Variants in MAML3 observed in about 807,000 individuals in gnomAD.
MAML3 encodes mastermind-like protein 3.
MAML3 carries 27 observed loss-of-function variants against 101.9 expected under a neutral mutation model. The ratio of observed to expected loss-of-function variants is 0.27; its 90% CI spans 0.20 to 0.37. MAML3 has a LOEUF of 0.37. Ranked by LOEUF, MAML3 falls within the 10% of genes least tolerant of loss-of-function variation. The probability of loss-of-function intolerance (pLI) is 1.00; values close to 1 mark genes in which losing one functional copy is unlikely to be tolerated. For synonymous variants in MAML3, 501 were observed against 555.9 expected, an observed-to-expected ratio of 0.90 and a Z score of 1.39; for missense variants, 1,316 against 1,444.9, an observed-to-expected ratio of 0.91 and a Z score of 1.45.
At chr4:139,814,231 A>G (rs1730856338) in intron 2 of MAML3, among the ~76,000 whole-genome samples, 1 of 152,214 alleles carries the variant, frequency 6.6e-6, no homozygotes, top group Non-Finnish European at 1.5e-5. Context: ...GAAACACGTT[A>G]TTTAGAAGTA....
At chr4:139,799,389 A>C (rs959630870) in intron 2 of MAML3, among the ~76,000 whole-genome samples, 1 of 152,254 alleles carries the variant, frequency 6.6e-6, no homozygotes, top group African/African-American at 2.4e-5. Context: ...AAAGGTAGCT[A>C]TTCTACTTTC....
chr4:140,098,721 G>T (rs35492612), intron 1 of MAML3, among the ~76,000 whole-genome samples: 26,965 of 152,290 alleles, frequency 0.18, 2,753 homozygotes, highest in Middle Eastern at 0.31. Flanking sequence ...GTGGCTACTG[G>T]TCTGCATCGG....
chr4:140,120,620 C>A (rs953100050), intron 1 of MAML3, among the ~76,000 whole-genome samples: 12 of 152,150 alleles, frequency 7.9e-5, no homozygotes, highest in Admixed American at 6.5e-5. Flanking sequence ...TATAGTTAGT[C>A]CATCAGAATT....
At chr4:140,009,314 C>A (rs1346573781) in intron 1 of MAML3, among the ~76,000 whole-genome samples, 3 of 152,152 alleles carry the variant, frequency 2.0e-5, no homozygotes, top group Non-Finnish European at 4.4e-5. Flanking sequence ...CAGGAAGTGT[C>A]TCTGTTTTTT....
rs150586892 is a variant in MAML3, at chr4:139,806,661, G to A, written c.2080-75994C>T. Reference sequence around the variant, plus strand: ...TGAAGATAGATTTAAAAGGATGTTCGTAAACAACAAAAGGTAAACAACTAA... The same window carrying A: ...TGAAGATAGATTTAAAAGGATGTTCATAAACAACAAAAGGTAAACAACTAA... On this transcript the variant is annotated intron_variant, in intron 2 of 4. Coordinates refer to ENST00000509479, the MANE Select transcript of MAML3 (RefSeq NM_018717.5). Among the ~76,000 whole-genome samples, 949 of 152,154 alleles carry A rather than the reference G, an allele frequency of 6.2e-3. 13 individuals carry two copies. The highest frequency in any genetic ancestry group is 0.021 in the African/African-American group (888 of 41,534).
At chr4:139,823,509 T>C (rs980793304) in intron 2 of MAML3, among the ~76,000 whole-genome samples, 1 of 152,162 alleles carries the variant, frequency 6.6e-6, no homozygotes, top group Admixed American at 6.5e-5. Context: ...TGTGTCTGCA[T>C]GTGCGTGTTG....
intron 1 of MAML3, among the ~76,000 whole-genome samples, chr4:140,000,590 T>C (rs998552680): frequency 5.3e-5 from 8 of 152,198 alleles, no homozygotes; most frequent in African/African-American, 1.9e-4. Flanking sequence ...ATAGGGCCAG[T>C]TACCCAAACC....
At chr4:139,870,863 G>A (rs1402325475) in intron 2 of MAML3, among the ~76,000 whole-genome samples, 1 of 152,062 alleles carries the variant, frequency 6.6e-6, no homozygotes, top group Non-Finnish European at 1.5e-5. Flanking sequence ...ACTTATACAA[G>A]CAATATACAT....
rs1388494313 is a variant in MAML3, at chr4:139,888,450, CA to C, written c.2079+906del. 1.2e-5 allele frequency: 6 copies of C among 484,092 alleles called. No homozygotes were observed. In the East Asian group the frequency reaches 3.3e-4, roughly 27 times the overall value. The allele number at this position is 484,092 out of a possible 1,614,324, so 30.0% of individuals were successfully genotyped here. On this transcript the variant is annotated intron_variant, in intron 2 of 4. Coordinates refer to ENST00000509479, the MANE Select transcript of MAML3 (RefSeq NM_018717.5). ...CTCTCTTGAATTCATCCATGTAGGGCAGGGGGAGTCGCTTTAATGGGCATTT... is the reference window on the plus strand; with the variant it reads ...CTCTCTTGAATTCATCCATGTAGGGCGGGGGAGTCGCTTTAATGGGCATTT...
At chr4:139,881,177 G>C (rs547835627) in intron 2 of MAML3, among the ~76,000 whole-genome samples, 1 of 152,078 alleles carries the variant, frequency 6.6e-6, no homozygotes, top group Admixed American at 6.5e-5. Flanking sequence ...ATTAAGAATC[G>C]GACCAGATAC....
chr4:139,915,282 GA>G (rs1156953398), intron 1 of MAML3, among the ~76,000 whole-genome samples: 1 of 152,126 alleles, frequency 6.6e-6, no homozygotes. Flanking sequence ...CACAGGAAGA[GA>G]AAAAAACCAA....
In MAML3 at chr4:139,890,629, C is replaced by T; in HGVS notation, c.807G>A (p.Leu269=). ...GTTCTTGTTTGAGGTCTTTGCTCTG[C>T]AAGATGGTGAAGCTATCCTCCAGGT... The part of the protein sequence containing the change: ...CSDLEDSFTI[L]QSKDLKQEPL... Residue 269 remains leucine, a synonymous_variant, in exon 2 of 5, where the codon TTG becomes TTA. Transcript: ENST00000509479. The surrounding 1 kb of genome is among the most constrained non-coding windows in gnomAD (Gnocchi z 4.1). 1 of 1,613,940 alleles carries T rather than the reference C, an allele frequency of 6.2e-7. No homozygotes were observed.
intron 3 of MAML3, among the ~76,000 whole-genome samples, 188 bp from the exon 4 acceptor site, chr4:139,726,023 A>G (rs1238946384): frequency 6.6e-6 from 1 of 152,250 alleles, no homozygotes; most frequent in East Asian, 1.9e-4. Context: ...CAAAACGAAC[A>G]CACTCAGGGC....
intron 1 of MAML3, among the ~76,000 whole-genome samples, chr4:139,994,425 G>C (rs939873385): frequency 6.6e-6 from 1 of 152,198 alleles, no homozygotes; most frequent in Non-Finnish European, 1.5e-5. Context: ...AGCACTTTGA[G>C]AGGCTGAAGC....
At chr4:139,845,168 G>A (rs917181322) in intron 2 of MAML3, among the ~76,000 whole-genome samples, 1 of 152,110 alleles carries the variant, frequency 6.6e-6, no homozygotes, top group Non-Finnish European at 1.5e-5. Flanking sequence ...GTATGTGTGT[G>A]GGGAATCAGA....
Position 139,799,042 on chromosome 4 carries a change from T to C in MAML3, c.2080-68375A>G, listed in dbSNP as rs1002281210. Among the ~76,000 whole-genome samples, 4 of 152,200 alleles carry C rather than the reference T, an allele frequency of 2.6e-5. No homozygotes were observed. The East Asian group carries it at 5.8e-4, about 22-fold the overall frequency. ...GGCAGTTAAAAGCAGCCTAAACTTA[T>C]GGGCAAGGTTTTCAGTTTCTATCCC... is the stretch of plus-strand genomic sequence containing the variant. On this transcript the variant is annotated intron_variant, in intron 2 of 4. Coordinates refer to ENST00000509479, the MANE Select transcript of MAML3 (RefSeq NM_018717.5).
intron 1 of MAML3, among the ~76,000 whole-genome samples, chr4:140,038,879 C>T (rs1727031754): frequency 6.6e-6 from 1 of 152,036 alleles, no homozygotes; most frequent in African/African-American, 2.4e-5. Flanking sequence ...GCTTGTAATC[C>T]CAGCACTTTG....
chr4:139,928,567 T>C (rs542246466), intron 1 of MAML3, among the ~76,000 whole-genome samples: 1 of 152,266 alleles, frequency 6.6e-6, no homozygotes, highest in African/African-American at 2.4e-5. Context: ...GATATGGATC[T>C]GTAAAGATTA....
At chr4:139,743,012 C>T (rs1435873279) in intron 2 of MAML3, among the ~76,000 whole-genome samples, 2 of 152,200 alleles carry the variant, frequency 1.3e-5, no homozygotes, top group African/African-American at 4.8e-5. Context: ...CATGATATCC[C>T]CTCAAATGCC....
Sources: gnomAD v4.1 joint callset for allele counts (sites outside exome capture counted in the v4.1 genomes callset) on GRCh38, gnomAD v4.1.1 for gene constraint, Gnocchi (gnomAD v3.1) non-coding constraint, MANE v1.5 for transcripts, NCBI Gene and HGNC (gene_info 2026-07-23, HGNC 2026-07-21) for gene names.